The following GPATCH2 variants were observed in gnomAD, a reference collection of about 807,000 sequenced individuals.
GPATCH2 encodes G-patch domain containing 2.
A neutral mutation model predicts 58.0 loss-of-function variants in GPATCH2; 51 were observed. That is an observed-to-expected ratio of 0.88 (90% CI 0.70 to 1.11). The LOEUF (loss-of-function observed/expected upper bound fraction) is 1.11. GPATCH2 is among the 50% of genes most tolerant of loss of function. The probability of loss-of-function intolerance (pLI) is 0.00; values close to 1 mark genes in which losing one functional copy is unlikely to be tolerated. For missense variants in GPATCH2, 625 were observed against 652.2 expected, an observed-to-expected ratio of 0.96 and a Z score of 0.45; for synonymous variants, 222 against 218.5, an observed-to-expected ratio of 1.02 and a Z score of -0.14.
At chr1:217,475,667 C>A (rs1660934874) in intron 8 of GPATCH2, among the ~76,000 whole-genome samples, 1 of 151,994 alleles carries the variant, frequency 6.6e-6, no homozygotes, top group Non-Finnish European at 1.5e-5. Flanking sequence ...GAGAAAATGG[C>A]AACTACTGAC....
At chr1:217,515,286 C>T (rs1164945709) in intron 5 of GPATCH2, among the ~76,000 whole-genome samples, 1 of 151,834 alleles carries the variant, frequency 6.6e-6, no homozygotes, top group Non-Finnish European at 1.5e-5. Context: ...TTAGTAGAGA[C>T]GGGGTTTCAC....
rs117112861 is a variant in GPATCH2, at chr1:217,530,894, G to A, written c.1099-16005C>T. Among the ~76,000 whole-genome samples, 7 of 152,088 alleles carry A rather than the reference G, an allele frequency of 4.6e-5. No individual in the cohort carries two copies. The East Asian group carries it at 5.8e-4, about 13-fold the overall frequency. ...CAGAAGTATTTTAGCTATAATAATC[G>A]TCTCTAAATTGAATGTTTTACAGCT... On this transcript the variant is annotated intron_variant, in intron 5 of 9. Coordinates refer to ENST00000366935, the MANE Select transcript of GPATCH2 (RefSeq NM_018040.5).
At chr1:217,508,042 T>C (rs1662648220) in intron 6 of GPATCH2, among the ~76,000 whole-genome samples, 1 of 152,124 alleles carries the variant, frequency 6.6e-6, no homozygotes, top group Non-Finnish European at 1.5e-5. Flanking sequence ...TTTAATAATA[T>C]TTCTGTATTT....
intron 6 of GPATCH2, among the ~76,000 whole-genome samples, chr1:217,507,035 A>G (rs746803655): frequency 4.6e-5 from 7 of 152,146 alleles, no homozygotes; most frequent in Middle Eastern, 3.2e-3. Context: ...TATTACCTCT[A>G]TCACACTGTG....
chr1:217,608,730 C>G (rs1353800614), intron 5 of GPATCH2: 1 of 982,902 alleles, frequency 1.0e-6, no homozygotes, highest in Non-Finnish European at 1.2e-6. Context: ...CAAAATAAAA[C>G]AAAAGCATTT....
intron 5 of GPATCH2, among the ~76,000 whole-genome samples, chr1:217,530,765 A>C (rs1664146509): frequency 1.3e-5 from 2 of 152,216 alleles, no homozygotes; most frequent in African/African-American, 4.8e-5. Flanking sequence ...CTAAATTATA[A>C]AACTTAATTC....
chr1:217,497,952 A>G (rs1386473323), intron 7 of GPATCH2, among the ~76,000 whole-genome samples: 2 of 152,088 alleles, frequency 1.3e-5, no homozygotes, highest in Non-Finnish European at 2.9e-5. Flanking sequence ...AGTATAAGAA[A>G]CTCTTCCTAC....
At chr1:217,438,203 G>A (rs763231397) in intron 9 of GPATCH2, among the ~76,000 whole-genome samples, 3 of 152,076 alleles carry the variant, frequency 2.0e-5, no homozygotes, top group Non-Finnish European at 4.4e-5. Context: ...CAAAAATGAC[G>A]TCTGCACAGA....
chr1:217,510,433 T>A (rs141964135), intron 6 of GPATCH2, among the ~76,000 whole-genome samples: 101 of 151,410 alleles, frequency 6.7e-4, no homozygotes, highest in African/African-American at 2.4e-3. Flanking sequence ...ACATAGTTTA[T>A]TTTTCTTCTT....
intron 8 of GPATCH2, among the ~76,000 whole-genome samples, chr1:217,454,316 G>A (rs1205002140): frequency 6.6e-6 from 1 of 152,050 alleles, no homozygotes; most frequent in Non-Finnish European, 1.5e-5. Flanking sequence ...CTGGCCTGGT[G>A]CGGTGGCTCA....
intron 5 of GPATCH2, among the ~76,000 whole-genome samples, chr1:217,598,184 A>T (rs923849475): frequency 1.3e-5 from 2 of 152,058 alleles, no homozygotes; most frequent in African/African-American, 4.8e-5. Context: ...TCAAGAGTTT[A>T]AGACCAGCCT....
At chr1:217,451,848 C>T (rs1041167520) in intron 8 of GPATCH2, among the ~76,000 whole-genome samples, 7 of 152,210 alleles carry the variant, frequency 4.6e-5, no homozygotes, top group Admixed American at 3.9e-4. Context: ...CTAGCTACTT[C>T]TGATCCTCTG....
intron 5 of GPATCH2, among the ~76,000 whole-genome samples, chr1:217,558,051 T>G (rs1300013980): frequency 6.6e-6 from 1 of 152,208 alleles, no homozygotes; most frequent in Non-Finnish European, 1.5e-5. Flanking sequence ...TTCATCAATC[T>G]TGAATTTAAA....
chr1:217,559,148 C>T (rs2102687495), intron 5 of GPATCH2, among the ~76,000 whole-genome samples: 1 of 152,154 alleles, frequency 6.6e-6, no homozygotes, highest in South Asian at 2.1e-4. Flanking sequence ...CCTATAAAAA[C>T]ATATTTGTTT....
chr1:217,522,564 A>G (rs528997608), intron 5 of GPATCH2, among the ~76,000 whole-genome samples: 150 of 152,332 alleles, frequency 9.8e-4, no homozygotes, highest in Middle Eastern at 6.8e-3. Context: ...ATATGGCCAC[A>G]TATGTTTACG....
intron 5 of GPATCH2, among the ~76,000 whole-genome samples, chr1:217,526,651 G>T (rs949965619): frequency 1.3e-5 from 2 of 152,138 alleles, no homozygotes; most frequent in African/African-American, 4.8e-5. Flanking sequence ...AATAATCACA[G>T]TCAGACTGTC....
rs534229553 is a variant in GPATCH2 at position 217,553,852 on chromosome 1, C to T, written c.1099-38963G>A. 1.3e-3 allele frequency among the ~76,000 whole-genome samples: 198 copies of T among 152,264 alleles called. 1 individual carries two copies. The highest frequency in any genetic ancestry group is 1.7e-3 in the Non-Finnish European group (117 of 68,004). On this transcript the variant is annotated intron_variant, in intron 5 of 9. Coordinates refer to ENST00000366935, the MANE Select transcript of GPATCH2 (RefSeq NM_018040.5). ...ATAACTGAAAAGTAACCAAAAGCTT[C>T]CAAACAGGGTAGAAATGTTACATTG...
At chr1:217,453,577 C>A (rs1420787027) in intron 8 of GPATCH2, among the ~76,000 whole-genome samples, 1 of 152,120 alleles carries the variant, frequency 6.6e-6, no homozygotes, top group Non-Finnish European at 1.5e-5. Context: ...TTATTCCCAT[C>A]GTTGGCTGCA....
chr1:217,601,296 A>C (rs1374376287), intron 5 of GPATCH2, among the ~76,000 whole-genome samples: 1 of 152,150 alleles, frequency 6.6e-6, no homozygotes, highest in African/African-American at 2.4e-5. Flanking sequence ...CAAAGAAACG[A>C]TACATGTTTG....
Sources: gnomAD v4.1 joint callset for allele counts (sites outside exome capture counted in the v4.1 genomes callset) on GRCh38, gnomAD v4.1.1 for gene constraint, MANE v1.5 for transcripts, NCBI Gene and HGNC (gene_info 2026-07-23, HGNC 2026-07-21) for gene names.